Variants in ZNF654 observed in about 807,000 individuals in gnomAD.
The protein encoded by ZNF654 is zinc finger protein 654, also known as melanoma-associated antigen.
Under a neutral mutation model 95.3 loss-of-function variants are expected in ZNF654, and 19 were observed. That is an observed-to-expected ratio of 0.20 (90% CI 0.14 to 0.29). The LOEUF is 0.29. Ranked by LOEUF, ZNF654 falls within the 10% of genes least tolerant of loss-of-function variation. The probability of loss-of-function intolerance (pLI) is 1.00; values close to 1 mark genes in which losing one functional copy is unlikely to be tolerated. For synonymous variants in ZNF654, 413 were observed against 457.9 expected (o/e 0.90, Z 1.25); for missense variants, 1,046 against 1,341.0 (o/e 0.78, Z 3.44).
chr3:88,087,649 T>C (rs1199973626), intron 2 of ZNF654, among the ~76,000 whole-genome samples: 1 of 152,192 alleles, frequency 6.6e-6, no homozygotes, highest in Admixed American at 6.5e-5. Flanking sequence ...ATACCTCAAA[T>C]TGTACTCACA....
chr3:88,065,897 C>T (rs1346687876), intron 1 of ZNF654, among the ~76,000 whole-genome samples: 1 of 152,066 alleles, frequency 6.6e-6, no homozygotes, highest in Non-Finnish European at 1.5e-5. Flanking sequence ...CCATGCCCGG[C>T]TAAATTTTTG....
intron 2 of ZNF654, among the ~76,000 whole-genome samples, chr3:88,100,911 TAACA>T (rs1034134644): frequency 3.3e-5 from 5 of 152,192 alleles, no homozygotes; most frequent in Admixed American, 6.5e-5. Flanking sequence ...TATACATATG[TAACA>T]AACCTGCACG....
In ZNF654 at chr3:88,139,893, C is replaced by T; in HGVS notation, c.2224C>T (p.Gln742Ter). 1 of 1,612,472 alleles carries T rather than the reference C, an allele frequency of 6.2e-7. No individual in the cohort carries two copies. The highest frequency in any genetic ancestry group is 8.5e-7 in the Non-Finnish European group (1 of 1,179,270). The change falls in exon 8 of 9, where the codon CAA becomes TAA. Residue 742 changes from glutamine to a stop codon, truncating the protein, a stop_gained. Coordinates refer to ENST00000636215, the MANE Select transcript of ZNF654 (RefSeq NM_001350134.2). LOFTEE classifies it high-confidence loss of function. Reference sequence around the variant, plus strand: ...TCCAAAAGACATATATGCCACAGATCAAGAAGGAAACTTTAAGTGTCCTGC... The same window carrying T: ...TCCAAAAGACATATATGCCACAGATTAAGAAGGAAACTTTAAGTGTCCTGC... ...CHPKDIYATD[Q>*]EGNFKCPALG... is the part of the protein sequence containing the mutation.
intron 1 of ZNF654, among the ~76,000 whole-genome samples, chr3:88,077,412 C>T (rs1237131525): frequency 6.6e-6 from 1 of 151,076 alleles, no homozygotes; most frequent in African/African-American, 2.4e-5. Flanking sequence ...CGGCTCACTG[C>T]AAGCTCCGCC....
chr3:88,074,053 G>T (rs1707662866), intron 1 of ZNF654, among the ~76,000 whole-genome samples: 1 of 151,954 alleles, frequency 6.6e-6, no homozygotes, highest in African/African-American at 2.4e-5. Flanking sequence ...TTGGTACAGG[G>T]GATCAAATGT....
At chr3:88,096,419 C>G (rs1296612721) in intron 2 of ZNF654, among the ~76,000 whole-genome samples, 1 of 152,096 alleles carries the variant, frequency 6.6e-6, no homozygotes, top group East Asian at 1.9e-4. Flanking sequence ...GATCTTGAAG[C>G]AGAGGGGTAA....
chr3:88,102,817 CTTTTTTTTTT>C (rs10701359), intron 2 of ZNF654, among the ~76,000 whole-genome samples: 84 of 106,532 alleles, frequency 7.9e-4, no homozygotes, highest in African/African-American at 2.7e-3. Flanking sequence ...CCTCTACTGT[CTTTTTTTTTT>C]TTTTTTTTTT....
chr3:88,086,710 T>TA (rs1477040490), intron 2 of ZNF654, among the ~76,000 whole-genome samples: 4 of 152,310 alleles, frequency 2.6e-5, no homozygotes, highest in South Asian at 2.1e-4. Context: ...TACAGCAGTT[T>TA]AGGCTATGAT....
intron 1 of ZNF654, among the ~76,000 whole-genome samples, chr3:88,078,107 A>G (rs1707909188): frequency 2.0e-5 from 3 of 152,318 alleles, no homozygotes; most frequent in Middle Eastern, 3.4e-3. Flanking sequence ...AACTATTGTG[A>G]ATATCGGACT....
intron 7 of ZNF654, among the ~76,000 whole-genome samples, chr3:88,136,720 G>A (rs925081076): frequency 1.3e-5 from 2 of 152,090 alleles, no homozygotes; most frequent in African/African-American, 4.8e-5. Flanking sequence ...AGTGGTTGTC[G>A]GAGATACTTA....
intron 3 of ZNF654, among the ~76,000 whole-genome samples, chr3:88,121,973 C>T (rs2107802515): frequency 6.6e-6 from 1 of 152,274 alleles, no homozygotes; most frequent in South Asian, 2.1e-4. Context: ...TTCTCTGGCA[C>T]ACCTTTCCCT....
At chr3:88,077,389 A>G (rs1467301156) in intron 1 of ZNF654, among the ~76,000 whole-genome samples, 1 of 148,934 alleles carries the variant, frequency 6.7e-6, no homozygotes, top group African/African-American at 2.5e-5. Context: ...GCTGGAGTAC[A>G]GTGGCGCGAT....
intron 2 of ZNF654, among the ~76,000 whole-genome samples, chr3:88,094,871 G>T (rs1040771524): frequency 6.6e-6 from 1 of 151,462 alleles, no homozygotes; most frequent in Admixed American, 6.6e-5. Context: ...TTTTACTGTG[G>T]AATGAAGAAA....
intron 1 of ZNF654, among the ~76,000 whole-genome samples, chr3:88,081,895 A>G (rs1708095358): frequency 6.6e-6 from 1 of 152,204 alleles, no homozygotes; most frequent in Non-Finnish European, 1.5e-5. Context: ...TAGCTAGGAA[A>G]TACTTTTATA....
In ZNF654 at chr3:88,139,414, G is replaced by C. The variant is rs1394841975; in HGVS notation, c.1745G>C (p.Arg582Thr). ...FACVICGRKF[R>T]NRGLMQKHLK... is the part of the protein sequence containing the mutation. ...TGTGTAATATGTGGTAGGAAATTTA[G>C]AAACAGAGGACTTATGCAGAAGCAT... The change falls in exon 8 of 9, where the codon AGA becomes ACA. Residue 582 changes from arginine (R) to threonine (T), a missense_variant. By Grantham distance (71) the Arg-to-Thr change is moderately conservative. Around this residue, in one of 9 missense-constraint regions of ZNF654, gnomAD observed 7 missense variants for 26.7 expected, o/e 0.26. Coordinates refer to ENST00000636215, the MANE Select transcript of ZNF654 (RefSeq NM_001350134.2). The C allele has an allele frequency of 6.2e-7, 1 of 1,613,716 alleles. No homozygotes were observed. The highest frequency in any genetic ancestry group is 8.5e-7 in the Non-Finnish European group (1 of 1,179,820).
chr3:88,130,286 C>G (rs1277539989), intron 6 of ZNF654, among the ~76,000 whole-genome samples: 1 of 152,120 alleles, frequency 6.6e-6, no homozygotes, highest in Non-Finnish European at 1.5e-5. Context: ...ACTCTTACCA[C>G]TTTGCTGTTT....
At chr3:88,115,064 C>A (rs1170642804) in intron 3 of ZNF654, among the ~76,000 whole-genome samples, 2 of 152,164 alleles carry the variant, frequency 1.3e-5, no homozygotes, top group Non-Finnish European at 2.9e-5. Context: ...TTTCTCGTCT[C>A]CCATAAGTAG....
At chr3:88,135,237 T>C (rs1306932856) in intron 7 of ZNF654, 35 bp downstream of exon 7, 23 of 1,372,178 alleles carry the variant, frequency 1.7e-5, no homozygotes, top group Non-Finnish European at 2.2e-5. Context: ...AAATTTAAAA[T>C]TGAGTGACAG....
intron 3 of ZNF654, among the ~76,000 whole-genome samples, chr3:88,123,498 A>G (rs1214306186): frequency 6.6e-6 from 1 of 152,182 alleles, no homozygotes; most frequent in Non-Finnish European, 1.5e-5. Context: ...AAAGTGTCCC[A>G]TAGTTGCCTG....
Sources: allele counts gnomAD v4.1 joint callset (sites outside exome capture counted in the v4.1 genomes callset), GRCh38; gene constraint gnomAD v4.1.1; regional missense constraint gnomAD v4.1.1; transcripts MANE v1.5; gene names NCBI Gene and HGNC (gene_info 2026-07-23, HGNC 2026-07-21).